The following ADGRL4 variants were observed in gnomAD, a reference collection of about 807,000 sequenced individuals.
The protein encoded by ADGRL4 is adhesion G protein-coupled receptor L4, also known as EGF, latrophilin and seven transmembrane domain containing 1.
A neutral mutation model predicts 74.8 loss-of-function variants in ADGRL4; 90 were observed. The observed-to-expected ratio is 1.20, with a 90% CI of 1.02 to 1.43. The LOEUF is 1.43. Among genes scored for constraint, ADGRL4 ranks in the 40% most tolerant of loss-of-function variants. The pLI is 0.00. For synonymous variants in ADGRL4, 311 were observed against 279.2 expected (o/e 1.11, Z -1.14); for missense variants, 881 against 814.3 (o/e 1.08, Z -1.00).
intron 2 of ADGRL4, among the ~76,000 whole-genome samples, chr1:78,993,558 T>C (rs1396293815): frequency 7.4e-6 from 1 of 135,914 alleles, no homozygotes; most frequent in Non-Finnish European, 1.6e-5. Context: ...AATATGACTC[T>C]AAGCAAAAAT....
At chr1:78,955,180 T>C (rs1649803852) in intron 2 of ADGRL4, among the ~76,000 whole-genome samples, 1 of 152,116 alleles carries the variant, frequency 6.6e-6, no homozygotes, top group Admixed American at 6.6e-5. Flanking sequence ...ATTATGTATT[T>C]AAATATTACT....
chr1:78,985,638 T>C (rs988501532), intron 2 of ADGRL4, among the ~76,000 whole-genome samples: 5 of 151,788 alleles, frequency 3.3e-5, no homozygotes, highest in Non-Finnish European at 5.9e-5. Context: ...AAATTATATA[T>C]AACAACTTCC....
chr1:78,911,024 A>T (rs1004256072), intron 12 of ADGRL4, among the ~76,000 whole-genome samples: 1 of 151,894 alleles, frequency 6.6e-6, no homozygotes, highest in Non-Finnish European at 1.5e-5. Flanking sequence ...TTGAAACAAC[A>T]TACATAATAA....
intron 12 of ADGRL4, among the ~76,000 whole-genome samples, chr1:78,906,915 T>C (rs908068477): frequency 6.6e-5 from 10 of 152,010 alleles, no homozygotes; most frequent in Middle Eastern, 3.2e-3. Flanking sequence ...AGAATTGTCC[T>C]TTTCTGACTT....
chr1:78,931,513 C>T (rs1365377634), intron 7 of ADGRL4, among the ~76,000 whole-genome samples: 1 of 151,322 alleles, frequency 6.6e-6, no homozygotes, highest in African/African-American at 2.5e-5. Flanking sequence ...TATGAAGAAA[C>T]CGCAGCAACT....
At chr1:78,981,401 G>C (rs536231122) in intron 2 of ADGRL4, among the ~76,000 whole-genome samples, 1 of 151,728 alleles carries the variant, frequency 6.6e-6, no homozygotes, top group Admixed American at 6.6e-5. Flanking sequence ...AAATTATTTT[G>C]TGCCATTTTA....
chr1:78,900,116 C>A (rs2100654137), intron 12 of ADGRL4, among the ~76,000 whole-genome samples: 1 of 152,154 alleles, frequency 6.6e-6, no homozygotes, highest in African/African-American at 2.4e-5. Context: ...CTGTTGCTGG[C>A]TTTGAAGATG....
At chr1:78,928,431 T>A (rs924940999) in intron 7 of ADGRL4, among the ~76,000 whole-genome samples, 2 of 151,464 alleles carry the variant, frequency 1.3e-5, no homozygotes, top group Non-Finnish European at 2.9e-5. Flanking sequence ...CCTGTACTTT[T>A]ATTAAAAATT....
At chr1:78,994,355 T>G (rs1280671440) in intron 2 of ADGRL4, among the ~76,000 whole-genome samples, 2 of 152,198 alleles carry the variant, frequency 1.3e-5, no homozygotes, top group African/African-American at 4.8e-5. Flanking sequence ...GCTTGATTCT[T>G]GCAAGCAGAA....
chr1:78,922,990 C>T (rs1410049030), intron 8 of ADGRL4, among the ~76,000 whole-genome samples: 1 of 151,656 alleles, frequency 6.6e-6, no homozygotes, highest in Non-Finnish European at 1.5e-5. Flanking sequence ...TAAATACAAC[C>T]CTTAGGTCAA....
chr1:78,930,379 A>G (rs1649213060), intron 7 of ADGRL4, among the ~76,000 whole-genome samples: 1 of 151,064 alleles, frequency 6.6e-6, no homozygotes, highest in African/African-American at 2.5e-5. Context: ...TTGCACTAAG[A>G]TAACAGATAA....
chr1:79,001,870 G>A (rs992473264), intron 2 of ADGRL4, among the ~76,000 whole-genome samples: 1 of 152,004 alleles, frequency 6.6e-6, no homozygotes, highest in African/African-American at 2.4e-5. Flanking sequence ...TATCATAGAG[G>A]AAAAAGCTTG....
chr1:78,969,835 G>T (rs898608841), intron 2 of ADGRL4, among the ~76,000 whole-genome samples: 3 of 151,810 alleles, frequency 2.0e-5, no homozygotes, highest in Admixed American at 1.3e-4. Flanking sequence ...TCTTGTTCCT[G>T]TGAACCAACC....
intron 7 of ADGRL4, among the ~76,000 whole-genome samples, chr1:78,931,028 C>G (rs1227560020): frequency 7.3e-5 from 11 of 151,290 alleles, no homozygotes; most frequent in South Asian, 2.1e-4. Flanking sequence ...AAGAAACTTA[C>G]TTTATCTCCT....
chr1:78,981,783 T>A (rs999087054), intron 2 of ADGRL4, among the ~76,000 whole-genome samples: 51 of 151,972 alleles, frequency 3.4e-4, no homozygotes, highest in Middle Eastern at 3.4e-3. Context: ...GTGTTATGAA[T>A]TAAGTATAAA....
chr1:78,896,346 C>T (rs1648399556), intron 12 of ADGRL4, among the ~76,000 whole-genome samples: 1 of 152,130 alleles, frequency 6.6e-6, no homozygotes, highest in African/African-American at 2.4e-5. Flanking sequence ...TCTTACATGT[C>T]TGTTTTGTCT....
Position 79,006,633 on chromosome 1 carries a change from C to T in ADGRL4, c.22G>A (p.Val8Met). The T allele has an allele frequency of 6.6e-7, 1 of 1,526,238 alleles. No individual in the cohort carries two copies. Among genetic ancestry groups the T allele is most frequent in the Non-Finnish European group, 8.8e-7 (1 of 1,138,274 alleles). 94.5% of individuals were successfully genotyped at this position (1,526,238 alleles called of 1,614,324 possible). The change falls in exon 1 of 15, where the codon GTG becomes ATG. Residue 8 changes from valine (V) to methionine (M), a missense_variant and splice_region_variant. By Grantham distance (21) the Val-to-Met change is conservative (BLOSUM62 1). Coordinates refer to ENST00000370742, the MANE Select transcript of ADGRL4 (RefSeq NM_022159.4). MKRLPLL[V>M]VFSTLLNCSY... ...GCGACCAGGGGCGCTGAGCACTCAC[C>T]TAGGAGCGGGAGGCGTTTCATTGGC...
intron 12 of ADGRL4, among the ~76,000 whole-genome samples, chr1:78,899,953 G>A (rs80264479): frequency 0.039 from 5,937 of 152,176 alleles, 155 homozygotes; most frequent in Middle Eastern, 0.058. Context: ...TAGAATTAAT[G>A]TTATAAACTT....
At chr1:78,946,567 AT>A (rs1434604828) in intron 2 of ADGRL4, 141 bp from the exon 3 acceptor site, 16 of 639,430 alleles carry the variant, frequency 2.5e-5, no homozygotes, top group Non-Finnish European at 3.5e-5. Context: ...GTGCTAAAGA[AT>A]CCATATTCCA....
Sources: gnomAD v4.1 joint callset for allele counts (sites outside exome capture counted in the v4.1 genomes callset) on GRCh38, gnomAD v4.1.1 for gene constraint, MANE v1.5 for transcripts, NCBI Gene and HGNC (gene_info 2026-07-23, HGNC 2026-07-21) for gene names.